The following TANC1 variants were observed in gnomAD, a reference collection of about 807,000 sequenced individuals.
The protein encoded by TANC1 is protein TANC1.
A neutral mutation model predicts 149.7 loss-of-function variants in TANC1; 77 were observed. The observed-to-expected ratio is 0.51, with a 90% CI of 0.43 to 0.62. TANC1 has a LOEUF of 0.62. Among genes scored for constraint, TANC1 ranks in the 20% least tolerant of loss-of-function variants. The pLI, the probability that TANC1 is intolerant of heterozygous loss-of-function variation, is 0.00. For missense variants in TANC1, 1,985 were observed against 2,321.8 expected (o/e 0.85, Z 2.98); for synonymous variants, 854 against 925.0 (o/e 0.92, Z 1.39).
chr2:158,992,314 G>A (rs961296343), intron 1 of TANC1, among the ~76,000 whole-genome samples: 1 of 151,290 alleles, frequency 6.6e-6, no homozygotes, highest in African/African-American at 2.4e-5. Context: ...GCAGTGAGCT[G>A]TGATCACACC....
Position 158,983,920 on chromosome 2 carries a change from G to A in TANC1, c.-126+15138G>A, listed in dbSNP as rs148975101. Among the ~76,000 whole-genome samples, 338 of 152,308 alleles carry A rather than the reference G, an allele frequency of 2.2e-3. 1 individual carries two copies. Among genetic ancestry groups the A allele is most frequent in the Non-Finnish European group, 3.6e-3 (243 of 68,022 alleles). ...GGAGGAACAGTTTGGAGAATGCCTG[G>A]ATATCTATGGTCCTTGCATTCTTGC... On this transcript the variant is annotated intron_variant, in intron 1 of 26. Coordinates refer to ENST00000263635, the MANE Select transcript of TANC1 (RefSeq NM_033394.3).
chr2:159,106,352 C>T (rs1394269751), intron 4 of TANC1, among the ~76,000 whole-genome samples: 1 of 152,158 alleles, frequency 6.6e-6, no homozygotes, highest in East Asian at 1.9e-4. Flanking sequence ...CTGGTAACCA[C>T]GAGTCTACTT....
At chr2:159,016,038 A>G (rs1262438371) in intron 2 of TANC1, among the ~76,000 whole-genome samples, 1 of 151,930 alleles carries the variant, frequency 6.6e-6, no homozygotes, top group Non-Finnish European at 1.5e-5. Flanking sequence ...GTAGCACCCC[A>G]CTCCTGGTAC....
chr2:159,183,958 T>TC (rs1212667955), intron 14 of TANC1, among the ~76,000 whole-genome samples: 1 of 151,906 alleles, frequency 6.6e-6, no homozygotes, highest in Non-Finnish European at 1.5e-5. Flanking sequence ...CCCCATAGAA[T>TC]CCCCCCGTCA....
intron 12 of TANC1, among the ~76,000 whole-genome samples, chr2:159,175,403 T>G (rs977474053): frequency 6.6e-5 from 10 of 152,144 alleles, no homozygotes; most frequent in Non-Finnish European, 1.5e-5. Flanking sequence ...AGAAGCACCC[T>G]GATAAGAATG....
intron 14 of TANC1, among the ~76,000 whole-genome samples, chr2:159,184,969 G>A (rs541337821): frequency 6.6e-6 from 1 of 152,274 alleles, no homozygotes; most frequent in South Asian, 2.1e-4. Context: ...TTTAAATAAT[G>A]CATGCTTTTA....
intron 4 of TANC1, among the ~76,000 whole-genome samples, chr2:159,124,459 G>C (rs1050506039): frequency 9.9e-5 from 15 of 152,176 alleles, no homozygotes; most frequent in African/African-American, 3.6e-4. Context: ...TGGTCCAGGG[G>C]CTGGTCTGAA....
At chr2:159,038,490 G>T (rs1311104360) in intron 2 of TANC1, among the ~76,000 whole-genome samples, 3 of 152,144 alleles carry the variant, frequency 2.0e-5, no homozygotes, top group Non-Finnish European at 4.4e-5. Flanking sequence ...CTGTGAGTTT[G>T]TCATAAATAG....
chr2:159,131,022 T>TG (rs1553564733), intron 4 of TANC1, among the ~76,000 whole-genome samples: 1 of 151,622 alleles, frequency 6.6e-6, no homozygotes, highest in African/African-American at 2.4e-5. Context: ...TTTCTTGGGG[T>TG]GGGGGGTCCC....
intron 19 of TANC1, among the ~76,000 whole-genome samples, chr2:159,203,209 C>CCT (rs2058363327): frequency 2.0e-5 from 2 of 101,666 alleles, no homozygotes; most frequent in East Asian, 2.2e-4. Context: ...CTTTTCTTTT[C>CCT]TTTTTTTTTT....
At chr2:159,011,238 T>C (rs891793392) in intron 2 of TANC1, among the ~76,000 whole-genome samples, 1 of 152,136 alleles carries the variant, frequency 6.6e-6, no homozygotes, top group Non-Finnish European at 1.5e-5. Flanking sequence ...TTACATGAAA[T>C]GAAAAAAGTC....
chr2:159,134,261 A>T (rs183726203), intron 4 of TANC1, among the ~76,000 whole-genome samples: 1 of 152,182 alleles, frequency 6.6e-6, no homozygotes, highest in Non-Finnish European at 1.5e-5. Flanking sequence ...AAGGAACACT[A>T]GAATCAAGGA....
At chr2:159,092,989 C>T (rs1218071593) in intron 3 of TANC1, among the ~76,000 whole-genome samples, 1 of 152,102 alleles carries the variant, frequency 6.6e-6, no homozygotes, top group Non-Finnish European at 1.5e-5. Flanking sequence ...CCTTCCAGGC[C>T]CCAGTCTCCC....
At chr2:159,136,047 T>TGTGTGTGTGTGTGA in intron 4 of TANC1, 147 bp from the exon 5 acceptor site, 7 of 210,230 alleles carry the variant, frequency 3.3e-5, no homozygotes, top group Non-Finnish European at 4.6e-5. Context: ...TGTGTGTGTG[T>TGTGTGTGTGTGTGA]GTGCGCGCGC....
intron 3 of TANC1, among the ~76,000 whole-genome samples, chr2:159,076,315 G>A (rs758682700): frequency 5.9e-5 from 9 of 152,156 alleles, no homozygotes; most frequent in African/African-American, 1.2e-4. Flanking sequence ...GTTTCTCTGC[G>A]TTGTTAACAT....
chr2:159,094,197 C>T (rs1276068555), intron 3 of TANC1, among the ~76,000 whole-genome samples: 1 of 152,144 alleles, frequency 6.6e-6, no homozygotes, highest in East Asian at 1.9e-4. Flanking sequence ...CATCCCACAG[C>T]CATTTGACTA....
chr2:159,219,118 C>A, intron 20 of TANC1, 120 bp from the exon 21 acceptor site: 1 of 1,359,258 alleles, frequency 7.4e-7, no homozygotes, highest in Non-Finnish European at 1.0e-6. Context: ...GTTCACACAA[C>A]TTACAGATTT....
rs149381367 is a variant in TANC1, at chr2:159,109,365, C to G, written c.259+11531C>G. ...ATGTTATGGACTGCATGTTTATGTCCCCCCAAAATTGATGTTGAAACTGTA... is the reference window on the plus strand; with the variant it reads ...ATGTTATGGACTGCATGTTTATGTCGCCCCAAAATTGATGTTGAAACTGTA... On this transcript the variant is annotated intron_variant, in intron 4 of 26. Transcript: ENST00000263635. 8.7e-3 allele frequency among the ~76,000 whole-genome samples: 1,323 copies of G among 152,178 alleles called. 11 individuals are homozygous for G. The highest frequency in any genetic ancestry group is 0.014 in the Non-Finnish European group (932 of 67,988).
rs59322527 is a variant in TANC1 at position 159,124,553 on chromosome 2, T to C, written c.260-11641T>C. On this transcript the variant is annotated intron_variant, in intron 4 of 26. Transcript: ENST00000263635. ...GGCAGTGGAGGGCTCACTTCCTCCT[T>C]GTGCAAACAACAGAAGAGCCCTGTG... 8.7e-3 allele frequency among the ~76,000 whole-genome samples: 1,324 copies of C among 152,276 alleles called. 21 individuals are homozygous for C. Among genetic ancestry groups the C allele is most frequent in the African/African-American group, 0.03 (1,253 of 41,552 alleles).
Sources: gnomAD v4.1 joint callset for allele counts (sites outside exome capture counted in the v4.1 genomes callset) on GRCh38, gnomAD v4.1.1 for gene constraint, MANE v1.5 for transcripts, NCBI Gene and HGNC (gene_info 2026-07-23, HGNC 2026-07-21) for gene names.